Variants in DNAAF9 observed in about 807,000 individuals in gnomAD.
DNAAF9 encodes dynein axonemal assembly factor 9, also known as shulin.
DNAAF9 carries 90 observed loss-of-function variants against 167.0 expected under a neutral mutation model. That is an observed-to-expected ratio of 0.54 (90% CI 0.45 to 0.64). The LOEUF (loss-of-function observed/expected upper bound fraction) is 0.64. Ranked by LOEUF, DNAAF9 falls within the 30% of genes least tolerant of loss-of-function variation. The pLI is 0.00. For synonymous variants in DNAAF9, 491 were observed against 508.8 expected (o/e 0.96, Z 0.47); for missense variants, 1,315 against 1,442.2 (o/e 0.91, Z 1.43).
In DNAAF9 at chr20:3,249,950, A is replaced by C. The variant is rs75135543; in HGVS notation, c.*2622T>G. On this transcript the variant is annotated 3_prime_UTR_variant, in exon 37 of 37. Coordinates refer to ENST00000252032, the MANE Select transcript of DNAAF9 (RefSeq NM_001009984.3). ...CTAGGATAATAATCCCATTTCCTCC[A>C]ATTTCTGTCTCCTTCTTCCAATCAA... 2 of 152,148 alleles carry C rather than the reference A, an allele frequency of 1.3e-5. No homozygotes were observed. Among genetic ancestry groups the C allele is most frequent in the Admixed American group, 6.5e-5 (1 of 15,268 alleles). The allele number at this position is 152,148 out of a possible 1,614,324, so 9.4% of individuals were successfully genotyped here. A position where few individuals can be genotyped will look rare whatever the true frequency, so the allele number is the denominator to read the frequency against.
At chr20:3,395,038 A>G (rs1857929723) in intron 1 of DNAAF9, among the ~76,000 whole-genome samples, 2 of 123,096 alleles carry the variant, frequency 1.6e-5, no homozygotes, top group Non-Finnish European at 3.2e-5. Context: ...CGCGATCTCG[A>G]CTCACTGCAA....
intron 7 of DNAAF9, among the ~76,000 whole-genome samples, chr20:3,349,217 A>AAAAAAAC (rs1748916989): frequency 6.7e-6 from 1 of 150,236 alleles, no homozygotes; most frequent in African/African-American, 2.4e-5. Flanking sequence ...AAAAAAAAAA[A>AAAAAAAC]ACACCATGAA....
At chr20:3,354,427 T>C (rs1367473135) in intron 7 of DNAAF9, among the ~76,000 whole-genome samples, 1 of 152,190 alleles carries the variant, frequency 6.6e-6, no homozygotes, top group Non-Finnish European at 1.5e-5. Context: ...ATACTGAACT[T>C]CAAACAGAAC....
chr20:3,340,604 T>C lies in DNAAF9; in HGVS notation c.881A>G (p.His294Arg). Residue 294 changes from histidine to arginine, a missense_variant, in exon 10 of 37, where the codon CAC (histidine) becomes CGC (arginine). Coordinates refer to ENST00000252032, the MANE Select transcript of DNAAF9 (RefSeq NM_001009984.3). ...NRQPFVLFGN[H>R]STRENLNAGN... The stretch of plus-strand genomic sequence containing the variant: ...AGCATTCAGGTTTTCTCGTGTGGAG[T>C]GATTACCAAAGAGAACAAATGGCTG... 6.2e-7 allele frequency: 1 copy of C among 1,613,606 alleles called. No homozygotes were observed. The highest frequency in any genetic ancestry group is 1.1e-5 in the South Asian group (1 of 91,054).
intron 6 of DNAAF9, among the ~76,000 whole-genome samples, chr20:3,369,359 T>A (rs1442112313): frequency 2.0e-5 from 3 of 151,992 alleles, no homozygotes; most frequent in Non-Finnish European, 4.4e-5. Flanking sequence ...CTTAGATCAG[T>A]CTTCTAACAT....
intron 9 of DNAAF9, among the ~76,000 whole-genome samples, chr20:3,342,611 C>A (rs1453429331): frequency 6.6e-6 from 1 of 152,160 alleles, no homozygotes; most frequent in Admixed American, 6.5e-5. Context: ...AAAAATACTA[C>A]CTTAAGCTAC....
At chr20:3,359,013 C>T (rs1220493194) in intron 7 of DNAAF9, among the ~76,000 whole-genome samples, 2 of 152,158 alleles carry the variant, frequency 1.3e-5, no homozygotes, top group Non-Finnish European at 1.5e-5. Context: ...TTTGTTTAAA[C>T]ACTGTCTAGA....
rs1177363866 is a variant in DNAAF9, at chr20:3,251,215, G to A, written c.*1357C>T. ...CTTTGCTACTTGCATGCAGGCCTCTGTGTGACCAGGCACACAGACTACATG... is the reference window on the plus strand; with the variant it reads ...CTTTGCTACTTGCATGCAGGCCTCTATGTGACCAGGCACACAGACTACATG... On this transcript the variant is annotated 3_prime_UTR_variant, in exon 37 of 37. Transcript: ENST00000252032. 1 of 149,488 alleles carries A rather than the reference G, an allele frequency of 6.7e-6. No homozygotes were observed. The highest frequency in any genetic ancestry group is 2.5e-5 in the African/African-American group (1 of 40,384). 9.3% of individuals were successfully genotyped at this position (149,488 alleles called of 1,614,324 possible).
rs1407787071 is a variant in DNAAF9, at chr20:3,249,554, T to C, written c.*3018A>G. 2.0e-5 allele frequency: 3 copies of C among 152,204 alleles called. No individual in the cohort carries two copies. The highest frequency in any genetic ancestry group is 3.8e-4 in the East Asian group (2 of 5,200). 9.4% of individuals were successfully genotyped at this position (152,204 alleles called of 1,614,324 possible). A position where few individuals can be genotyped will look rare whatever the true frequency, so the allele number is the denominator to read the frequency against. On this transcript the variant is annotated 3_prime_UTR_variant, in exon 37 of 37. Transcript: ENST00000252032. ...AGTTTTAAAATTTAAGTTACAAATA[T>C]TAAAGCACTGAAAAACTAGTATAAA...
At chr20:3,289,798 C>A (rs1392016995) in intron 26 of DNAAF9, among the ~76,000 whole-genome samples, 1 of 152,196 alleles carries the variant, frequency 6.6e-6, no homozygotes. Context: ...AGGTGTGAGA[C>A]ACTGCACCTG....
chr20:3,374,484 C>A (rs917929254), intron 5 of DNAAF9, among the ~76,000 whole-genome samples: 16 of 152,192 alleles, frequency 1.1e-4, no homozygotes, highest in African/African-American at 3.6e-4. Context: ...TATTAACAGA[C>A]ACAAAGTTGG....
chr20:3,381,022 C>A (rs2083643141), intron 3 of DNAAF9, among the ~76,000 whole-genome samples: 1 of 152,204 alleles, frequency 6.6e-6, no homozygotes, highest in South Asian at 2.1e-4. Flanking sequence ...CCCATCCTTA[C>A]CTCACAACTG....
At chr20:3,373,977 A>G (rs1181040150) in intron 6 of DNAAF9, 71 bp downstream of exon 6, 1 of 914,988 alleles carries the variant, frequency 1.1e-6, no homozygotes, top group Non-Finnish European at 1.8e-6. Flanking sequence ...AATAATGCAC[A>G]CTCACATGGG....
intron 20 of DNAAF9, among the ~76,000 whole-genome samples, chr20:3,308,260 TTC>T (rs1012580552): frequency 4.4e-4 from 67 of 152,246 alleles, no homozygotes; most frequent in African/African-American, 1.6e-3. Flanking sequence ...TCTCCTGACA[TTC>T]TGTTCCTGAA....
rs140772082 is a variant in DNAAF9 at position 3,338,648 on chromosome 20, A to ATT, written c.981+1854_981+1855dup. Among the ~76,000 whole-genome samples, 321 of 121,758 alleles carry ATT rather than the reference A, an allele frequency of 2.6e-3. 8 individuals are homozygous for ATT. The highest frequency in any genetic ancestry group is 0.026 in the East Asian group (111 of 4,232). The allele number at this position is 121,758 out of a possible 152,430, so 79.9% of individuals were successfully genotyped here. A position where few individuals can be genotyped will look rare whatever the true frequency, so the allele number is the denominator to read the frequency against. ...GAAATTGTCCCAGGGTTCTTGGATG[A>ATT]TTTTTTTTTTTTTTTTTTTCTGAGA... is the stretch of plus-strand genomic sequence containing the variant. On this transcript the variant is annotated intron_variant, in intron 10 of 36. Coordinates refer to ENST00000252032, the MANE Select transcript of DNAAF9 (RefSeq NM_001009984.3).
chr20:3,390,624 C>T (rs2083814197), intron 1 of DNAAF9, among the ~76,000 whole-genome samples: 1 of 152,158 alleles, frequency 6.6e-6, no homozygotes, highest in Non-Finnish European at 1.5e-5. Flanking sequence ...CTTGGCCTCC[C>T]AAAGTGCTGG....
intron 1 of DNAAF9, among the ~76,000 whole-genome samples, chr20:3,399,251 C>T (rs1224343157): frequency 1.3e-5 from 2 of 152,064 alleles, no homozygotes; most frequent in Non-Finnish European, 2.9e-5. Context: ...TGGAGTCTCA[C>T]TCTGTCACCC....
At chr20:3,322,870 G>C (rs1171059372) in intron 14 of DNAAF9, among the ~76,000 whole-genome samples, 174 bp from the exon 15 acceptor site, 2 of 152,028 alleles carry the variant, frequency 1.3e-5, no homozygotes, top group East Asian at 3.9e-4. Context: ...ACCACCAGCA[G>C]GTATGAGGCC....
chr20:3,270,314 C>T, intron 30 of DNAAF9, 113 bp downstream of exon 30: 1 of 1,045,492 alleles, frequency 9.6e-7, no homozygotes, highest in South Asian at 1.4e-5. Flanking sequence ...GGCTCAAAAA[C>T]TGACTTCTCC....
Sources: allele counts gnomAD v4.1 joint callset (sites outside exome capture counted in the v4.1 genomes callset), GRCh38; gene constraint gnomAD v4.1.1; transcripts MANE v1.5; gene names NCBI Gene and HGNC (gene_info 2026-07-23, HGNC 2026-07-21).